TSPAN4: variants seen among roughly 807,000 people sequenced by gnomAD.
TSPAN4 encodes tetraspanin 4, also known as tetraspanin-4.
Under a neutral mutation model 31.5 loss-of-function variants are expected in TSPAN4, and 38 were observed. The ratio of observed to expected loss-of-function variants is 1.21; its 90% CI spans 0.93 to 1.58. The LOEUF is 1.58. TSPAN4 is among the 40% of genes most tolerant of loss of function. TSPAN4 has a pLI of 0.00. For missense variants in TSPAN4, 330 were observed against 317.3 expected (o/e 1.04, Z -0.30); for synonymous variants, 186 against 144.6 (o/e 1.29, Z -2.06).
Position 862,577 on chromosome 11 carries a change from G to A in TSPAN4, c.91G>A (p.Gly31Ser), listed in dbSNP as rs34536189. The A allele has an allele frequency of 4.3e-6, 7 of 1,610,614 alleles. No homozygotes were observed. The highest frequency in any genetic ancestry group is 2.7e-5 in the African/African-American group (2 of 74,862). Residue 31 changes from glycine to serine, a missense_variant, in exon 4 of 9, where the codon GGC becomes AGC. Gly to Ser is a moderately conservative substitution (Grantham distance 56). Transcript: ENST00000397397. ...GGGAGGCTGTGGCGTGCTGGGTGTC[G>A]GCATCTGGCTGGCCGCCACACAGGG... ...WLGGCGVLGV[G>S]IWLAATQGSF...
In TSPAN4 at chr11:850,297, G is replaced by T. The variant is rs759434955; in HGVS notation, c.-8G>T. 3 of 1,606,592 alleles carry T rather than the reference G, an allele frequency of 1.9e-6. No individual in the cohort carries two copies. The highest frequency in any genetic ancestry group is 2.7e-5 in the African/African-American group (2 of 74,798). On this transcript the variant is annotated 5_prime_UTR_variant, in exon 3 of 9. Coordinates refer to ENST00000397397, the MANE Select transcript of TSPAN4 (RefSeq NM_003271.5). ...TTCATCTTCCTCCTAGAACTGAAGC[G>T]CTGCGGCATGGCGCGCGCCTGCCTC...
rs527333211 is a variant in TSPAN4 at position 850,289 on chromosome 11, A to T, written c.-16A>T. ...ACCTCTCCTTCATCTTCCTCCTAGA[A>T]CTGAAGCGCTGCGGCATGGCGCGCG... On this transcript the variant is annotated splice_region_variant and 5_prime_UTR_variant, in exon 3 of 9. Coordinates refer to ENST00000397397, the MANE Select transcript of TSPAN4 (RefSeq NM_003271.5). 1.2e-6 allele frequency: 2 copies of T among 1,605,898 alleles called. No individual in the cohort carries two copies. Among genetic ancestry groups the T allele is most frequent in the Non-Finnish European group, 1.7e-6 (2 of 1,177,460 alleles).
intron 3 of TSPAN4, among the ~76,000 whole-genome samples, chr11:853,943 G>A (rs1847896601): frequency 6.6e-6 from 1 of 152,206 alleles, no homozygotes; most frequent in Non-Finnish European, 1.5e-5. Flanking sequence ...TCCAAGGCAG[G>A]TGCCGACACA....
Position 848,107 on chromosome 11 carries a change from T to C in TSPAN4, c.-18+807T>C, listed in dbSNP as rs1590223777. The stretch of plus-strand genomic sequence containing the variant: ...GCTCCCTGGAGGCGCTGCACACGGC[T>C]GAGTGTCTGCCCTCAGGTTGCACCT... On this transcript the variant is annotated intron_variant, in intron 2 of 8. Transcript: ENST00000397397. The surrounding 1 kb of genome is among the most constrained non-coding windows in gnomAD (Gnocchi z 5.7). Among the ~76,000 whole-genome samples, 1 of 152,322 alleles carries C rather than the reference T, an allele frequency of 6.6e-6. No homozygotes were observed. Among genetic ancestry groups the C allele is most frequent in the South Asian group, 2.1e-4 (1 of 4,832 alleles).
intron 3 of TSPAN4, among the ~76,000 whole-genome samples, chr11:855,451 C>A (rs1274142030): frequency 6.6e-6 from 1 of 152,232 alleles, no homozygotes; most frequent in East Asian, 1.9e-4. Context: ...TCCTGTGCCT[C>A]CAGCAAACTC....
chr11:856,439 G>T (rs1241693964), intron 3 of TSPAN4, among the ~76,000 whole-genome samples: 3 of 152,182 alleles, frequency 2.0e-5, no homozygotes, highest in Non-Finnish European at 4.4e-5. Context: ...AGGTGAAGAG[G>T]TCTGGGACGG....
rs1438038267 is a variant in TSPAN4, at chr11:865,711, C to G, written c.450C>G (p.Val150=). ...IIQTDFRCCG[V]SNYTDWFEVY... The stretch of plus-strand genomic sequence containing the variant: ...CCCCCCAGTTCCGCTGCTGTGGCGT[C>G]TCCAACTACACTGACTGGTTCGAGG... The change falls in exon 7 of 9, where the codon GTC becomes GTG. Residue 150 remains valine, a synonymous_variant. Coordinates refer to ENST00000397397, the MANE Select transcript of TSPAN4 (RefSeq NM_003271.5). 2.5e-6 allele frequency: 4 copies of G among 1,613,406 alleles called. No individual in the cohort carries two copies. The East Asian group carries it at 6.7e-5, about 27-fold the overall frequency.
chr11:856,550 G>C (rs1848053814), intron 3 of TSPAN4, among the ~76,000 whole-genome samples: 1 of 152,220 alleles, frequency 6.6e-6, no homozygotes. Flanking sequence ...GCTTGTGTCT[G>C]GCCTGCGGCG....
At chr11:849,692 G>A (rs1847520679) in intron 2 of TSPAN4, 1 of 151,370 alleles carries the variant, frequency 6.6e-6, no homozygotes, top group Non-Finnish European at 1.5e-5. Flanking sequence ...GCGTTGCCGG[G>A]GGCTGCGATT....
chr11:849,372 C>T (rs1212015655), intron 2 of TSPAN4, among the ~76,000 whole-genome samples: 1 of 152,228 alleles, frequency 6.6e-6, no homozygotes, highest in Non-Finnish European at 1.5e-5. Flanking sequence ...CAAGGGCGCC[C>T]GGGGCGGAGC....
chr11:846,804 G>C (rs1228902529), intron 1 of TSPAN4, among the ~76,000 whole-genome samples: 2 of 152,210 alleles, frequency 1.3e-5, no homozygotes, highest in Non-Finnish European at 2.9e-5. Context: ...CAGGACCCCA[G>C]GGAGGAGGCA....
At chr11:853,082 C>G (rs1250918899) in intron 3 of TSPAN4, among the ~76,000 whole-genome samples, 1 of 149,940 alleles carries the variant, frequency 6.7e-6, no homozygotes, top group Non-Finnish European at 1.5e-5. Flanking sequence ...GGGCTGAGCC[C>G]TGTAAGTGGT....
intron 3 of TSPAN4, among the ~76,000 whole-genome samples, chr11:850,784 G>A (rs1004747351): frequency 2.0e-5 from 3 of 152,236 alleles, no homozygotes; most frequent in African/African-American, 7.2e-5. Context: ...CCTCCTCGGT[G>A]CAGCCGTTAT....
chr11:843,624 G>C (rs1446891602), intron 1 of TSPAN4: 2 of 152,422 alleles, frequency 1.3e-5, no homozygotes, highest in African/African-American at 4.8e-5. Context: ...ATGGAGTGCG[G>C]GGGGGCTGGC....
At position 842,876 on chromosome 11, in the gene TSPAN4, C is replaced by T; in HGVS notation, c.-157C>T. 5.8e-6 allele frequency: 1 copy of T among 173,306 alleles called. No individual in the cohort carries two copies. Among genetic ancestry groups the T allele is most frequent in the South Asian group, 1.7e-4 (1 of 5,928 alleles). 10.7% of individuals were successfully genotyped at this position (173,306 alleles called of 1,614,324 possible). A position where few individuals can be genotyped will look rare whatever the true frequency, so the allele number is the denominator to read the frequency against. On this transcript the variant is annotated 5_prime_UTR_variant, in exon 1 of 9. Transcript: ENST00000397397. Reference sequence around the variant, plus strand: ...CGTGTCCGCTTGACTGACAGCTGCGCGGCGGGAGCGGGCGGCGCGAGCGGG... The same window carrying T: ...CGTGTCCGCTTGACTGACAGCTGCGTGGCGGGAGCGGGCGGCGCGAGCGGG...
In TSPAN4 at chr11:850,281, C is replaced by T. The variant is rs368933001; in HGVS notation, c.-17-7C>T. On this transcript the variant is annotated splice_region_variant and splice_polypyrimidine_tract_variant and intron_variant, in intron 2 of 8. Transcript: ENST00000397397. ...CTACCTGGACCTCTCCTTCATCTTC[C>T]TCCTAGAACTGAAGCGCTGCGGCAT... 4.4e-6 allele frequency: 7 copies of T among 1,603,632 alleles called. No individual in the cohort carries two copies. The South Asian group carries it at 4.4e-5, about 10-fold the overall frequency.
Position 862,741 on chromosome 11 carries a change from T to C in TSPAN4, c.255T>C (p.Thr85=), listed in dbSNP as rs147768050. 204 of 1,608,460 alleles carry C rather than the reference T, an allele frequency of 1.3e-4. No individual in the cohort carries two copies. The highest frequency in any genetic ancestry group is 1.6e-4 in the Non-Finnish European group (185 of 1,177,502). Residue 85 remains threonine, a splice_region_variant and synonymous_variant, in exon 4 of 9, where the codon ACT becomes ACC. Transcript: ENST00000397397. ...AGGAGAACAAGTGCCTCCTGCTCAC[T>C]GTGAGTGCCGGGGCCCAAGCGATGC... ...AIKENKCLLL[T]FFLLLLLVFL... is the part of the protein sequence containing the mutation.
intron 3 of TSPAN4, among the ~76,000 whole-genome samples, chr11:851,425 C>T (rs992156526): frequency 6.6e-6 from 1 of 152,212 alleles, no homozygotes; most frequent in East Asian, 1.9e-4. Context: ...GCATAAGGTC[C>T]AGCTGGGCCA....
chr11:844,706 T>TG (rs772515493), intron 1 of TSPAN4: 13,031 of 30,302 alleles, frequency 0.43, 1,591 homozygotes, highest in African/African-American at 0.52. Flanking sequence ...GCCTGGCTTC[T>TG]GGGGGGGGGG....
Sources: gnomAD v4.1 joint callset for allele counts (sites outside exome capture counted in the v4.1 genomes callset) on GRCh38, gnomAD v4.1.1 for gene constraint, Gnocchi (gnomAD v3.1) non-coding constraint, MANE v1.5 for transcripts, NCBI Gene and HGNC (gene_info 2026-07-23, HGNC 2026-07-21) for gene names.